Variants in PNISR observed in about 807,000 individuals in gnomAD.
PNISR encodes PNN interacting serine and arginine rich protein.
In PNISR, 20 loss-of-function variants were observed where a neutral mutation model predicts 93.4. The ratio of observed to expected loss-of-function variants is 0.21; its 90% CI spans 0.15 to 0.31. The LOEUF is 0.31. PNISR is among the 10% of genes least tolerant of loss of function. PNISR has a pLI of 1.00. For missense variants in PNISR, 893 were observed against 985.4 expected, an observed-to-expected ratio of 0.91 and a Z score of 1.25; for synonymous variants, 305 against 306.5, an observed-to-expected ratio of 0.99 and a Z score of 0.05.
At chr6:99,422,460 C>A (rs1357069152) in intron 1 of PNISR, among the ~76,000 whole-genome samples, 1 of 152,172 alleles carries the variant, frequency 6.6e-6, no homozygotes, top group East Asian at 1.9e-4. Context: ...GTGGAAATGG[C>A]ACTGGTAAAA....
intron 1 of PNISR, among the ~76,000 whole-genome samples, chr6:99,419,890 C>CTTTT (rs67572715): frequency 6.8e-6 from 1 of 146,220 alleles, no homozygotes; most frequent in Non-Finnish European, 1.5e-5. Context: ...TAACTGCATT[C>CTTTT]TTTTTTTTTT....
chr6:99,412,883 T>C (rs1412588124), intron 3 of PNISR, 144 bp from the exon 4 acceptor site: 3 of 480,328 alleles, frequency 6.2e-6, no homozygotes, highest in Non-Finnish European at 1.1e-5. Flanking sequence ...GAAAAATTTT[T>C]TTTGAATGAG....
chr6:99,404,083 T>A, intron 9 of PNISR: 1 of 536,022 alleles, frequency 1.9e-6, no homozygotes, highest in South Asian at 2.6e-5. Flanking sequence ...GAAATTGGTT[T>A]ATAATGAGAA....
intron 8 of PNISR, among the ~76,000 whole-genome samples, chr6:99,405,572 CT>C (rs1323976440): frequency 6.6e-6 from 1 of 151,812 alleles, no homozygotes; most frequent in Non-Finnish European, 1.5e-5. Context: ...TTTTTTCTTT[CT>C]TTTTTTTCCG....
At chr6:99,416,142 A>G in intron 2 of PNISR, 1 of 356,420 alleles carries the variant, frequency 2.8e-6, no homozygotes, top group Non-Finnish European at 5.0e-6. Context: ...TTCCAAGTTA[A>G]ATATATTTTT....
intron 1 of PNISR, among the ~76,000 whole-genome samples, chr6:99,417,913 A>G (rs1777925921): frequency 6.9e-6 from 1 of 145,842 alleles, no homozygotes; most frequent in Admixed American, 7.0e-5. Flanking sequence ...GGTTGCAGTG[A>G]GCCGAGATTG....
chr6:99,419,172 AAAAAAAAAAAAAAAAAAAG>A lies in PNISR; in HGVS notation c.-111-2763_-111-2745del, dbSNP rs1474754481. On this transcript the variant is annotated intron_variant, in intron 1 of 11. Coordinates refer to ENST00000369239, the MANE Select transcript of PNISR (RefSeq NM_032870.4). ...CGTCTCAAAAAAAAAAAAAAAAAAAAAAAAAAAAAAAAAAAAAAGGGCAATTTACCATTATGGCATCTTA... is the reference window on the plus strand; with the variant it reads ...CGTCTCAAAAAAAAAAAAAAAAAAAAGGCAATTTACCATTATGGCATCTTA... 3.2e-4 allele frequency among the ~76,000 whole-genome samples: 46 copies of A among 143,422 alleles called. 7 individuals carry two copies. Among genetic ancestry groups the A allele is most frequent in the Middle Eastern group, 7.2e-3 (2 of 278 alleles). The allele number at this position is 143,422 out of a possible 152,430, so 94.1% of individuals were successfully genotyped here.
chr6:99,424,411 T>TA (rs36093339), intron 1 of PNISR, among the ~76,000 whole-genome samples: 38,871 of 148,220 alleles, frequency 0.26, 5,892 homozygotes, highest in East Asian at 0.77. Flanking sequence ...ATTAGTAAGT[T>TA]AAAAAAAAAA....
chr6:99,403,415 T>A (rs1211899783), intron 10 of PNISR: 1 of 153,126 alleles, frequency 6.5e-6, no homozygotes, highest in African/African-American at 2.4e-5. Context: ...ACACAATCTA[T>A]GTAAGTTATT....
rs1775118062 is a variant in PNISR, at chr6:99,398,549, C to T, written c.*1991G>A. 6.6e-6 allele frequency: 1 copy of T among 152,088 alleles called. No homozygotes were observed. The highest frequency in any genetic ancestry group is 2.4e-5 in the African/African-American group (1 of 41,440). The allele number at this position is 152,088 out of a possible 1,614,324, so 9.4% of individuals were successfully genotyped here. A position where few individuals can be genotyped will look rare whatever the true frequency, so the allele number is the denominator to read the frequency against. On this transcript the variant is annotated 3_prime_UTR_variant, in exon 12 of 12. Coordinates refer to ENST00000369239, the MANE Select transcript of PNISR (RefSeq NM_032870.4). ...TGACGGCTTTTAAAAAAACTACAGA[C>T]TTAACTGATAAGCTTGCAAATTACG... is the stretch of plus-strand genomic sequence containing the variant.
At chr6:99,411,406 C>T (rs1470925937) in intron 4 of PNISR, among the ~76,000 whole-genome samples, 2 of 152,072 alleles carry the variant, frequency 1.3e-5, no homozygotes, top group East Asian at 3.9e-4. Flanking sequence ...TCGAGGCACA[C>T]AGAGGTAAAT....
At chr6:99,405,432 A>T (rs1776035260) in intron 8 of PNISR, among the ~76,000 whole-genome samples, 1 of 152,124 alleles carries the variant, frequency 6.6e-6, no homozygotes, top group South Asian at 2.1e-4. Context: ...CTGCCATTGC[A>T]CTCCAGCCTG....
intron 7 of PNISR, among the ~76,000 whole-genome samples, chr6:99,407,242 T>G (rs574209745): frequency 6.6e-6 from 1 of 150,532 alleles, no homozygotes; most frequent in Admixed American, 6.7e-5. Context: ...ATTGCTTGAG[T>G]CCAGGAGTTC....
intron 4 of PNISR, 147 bp downstream of exon 4, chr6:99,412,404 T>C (rs745686928): frequency 1.2e-4 from 85 of 717,344 alleles, no homozygotes; most frequent in Non-Finnish European, 2.0e-4. Context: ...CCACAAAATG[T>C]CAAAGTCAAA....
intron 1 of PNISR, among the ~76,000 whole-genome samples, chr6:99,418,964 C>T (rs1778114518): frequency 2.0e-5 from 3 of 151,850 alleles, no homozygotes; most frequent in African/African-American, 7.3e-5. Flanking sequence ...GCCTGGCTAA[C>T]ACGGTGAAAC....
intron 1 of PNISR, among the ~76,000 whole-genome samples, chr6:99,424,127 T>C (rs2128500968): frequency 6.6e-6 from 1 of 152,244 alleles, no homozygotes; most frequent in South Asian, 2.1e-4. Flanking sequence ...CCTGAGAAAC[T>C]GTCACAGCCA....
At position 99,401,328 on chromosome 6, in the gene PNISR, G is replaced by A. The variant is rs752885417; in HGVS notation, c.1630C>T (p.Arg544Cys). ...SSYSSSSGSSRTSSRSSSPKR... is the reference protein window; with the variant it reads ...SSYSSSSGSSCTSSRSSSPKR... Reference sequence around the variant, plus strand: ...GGAGAAGAAGACCGAGAAGAAGTACGACTACTACCTGAGCTAGAACTGTAT... The same window carrying A: ...GGAGAAGAAGACCGAGAAGAAGTACAACTACTACCTGAGCTAGAACTGTAT... Residue 544 changes from arginine (R) to cysteine (C), a missense_variant, in exon 12 of 12, where the codon CGT (arginine) becomes TGT (cysteine). This residue lies in a region of PNISR where 866 missense variants were observed against 935.1 expected (regional missense o/e 0.93). Coordinates refer to ENST00000369239, the MANE Select transcript of PNISR (RefSeq NM_032870.4). 3.0e-5 allele frequency: 49 copies of A among 1,613,788 alleles called. No homozygotes were observed. The highest frequency in any genetic ancestry group is 4.5e-5 in the East Asian group (2 of 44,890).
At position 99,425,265 on chromosome 6, in the gene PNISR, C is replaced by T. The variant is rs1779361377; in HGVS notation, c.-162G>A. 1 of 1,232,186 alleles carries T rather than the reference C, an allele frequency of 8.1e-7. No homozygotes were observed. Among genetic ancestry groups the T allele is most frequent in the African/African-American group, 1.5e-5 (1 of 64,536 alleles). The allele number at this position is 1,232,186 out of a possible 1,614,324, so 76.3% of individuals were successfully genotyped here. ...TCGCCGCCGTTCCGGTAACACCTCT[C>T]CAACGCTTTCGATGCTTCTACTTCT... On this transcript the variant is annotated 5_prime_UTR_variant, in exon 1 of 12. Coordinates refer to ENST00000369239, the MANE Select transcript of PNISR (RefSeq NM_032870.4).
chr6:99,409,409 G>A, intron 5 of PNISR, 65 bp from the exon 6 acceptor site: 1 of 1,452,504 alleles, frequency 6.9e-7, no homozygotes, highest in African/African-American at 1.4e-5. Context: ...GGACACACGT[G>A]TGTTATGAAC....
Sources: gnomAD v4.1 joint callset for allele counts (sites outside exome capture counted in the v4.1 genomes callset) on GRCh38, gnomAD v4.1.1 for gene constraint, gnomAD v4.1.1 regional missense constraint, MANE v1.5 for transcripts, NCBI Gene and HGNC (gene_info 2026-07-23, HGNC 2026-07-21) for gene names.